Variants in PRR5L observed in about 807,000 individuals in gnomAD.
PRR5L encodes the protein proline rich 5 like.
A neutral mutation model predicts 36.4 loss-of-function variants in PRR5L; 21 were observed. The observed-to-expected ratio is 0.58, with a 90% CI of 0.41 to 0.83. PRR5L has a LOEUF of 0.83. PRR5L is among the 40% of genes least tolerant of loss of function. The pLI is 0.00. For missense variants in PRR5L, 381 were observed against 473.3 expected (o/e 0.80, Z 1.81); for synonymous variants, 188 against 197.0 (o/e 0.95, Z 0.38).
intron 1 of PRR5L, chr11:36,376,850 G>C (rs1857272801): frequency 3.9e-6 from 2 of 507,630 alleles, no homozygotes; most frequent in African/African-American, 2.1e-5. Context: ...TCACGTTTGG[G>C]GGGGCAACCA....
At chr11:36,339,108 CTCTT>C (rs1011183033) in intron 1 of PRR5L, among the ~76,000 whole-genome samples, 1 of 152,186 alleles carries the variant, frequency 6.6e-6, no homozygotes, top group African/African-American at 2.4e-5. Context: ...CCAATTAAAC[CTCTT>C]TCTTTTGTAA....
intron 5 of PRR5L, among the ~76,000 whole-genome samples, chr11:36,434,982 C>A (rs1306626655): frequency 6.6e-6 from 1 of 152,078 alleles, no homozygotes; most frequent in Non-Finnish European, 1.5e-5. Context: ...TAAGTAGGCA[C>A]CAGTGCTGAC....
At position 36,376,790 on chromosome 11, in the gene PRR5L, G is replaced by A. The variant is rs570437575; in HGVS notation, c.-125-24207G>A. On this transcript the variant is annotated intron_variant, in intron 1 of 8. Transcript: ENST00000530639. ...CAGGATTGAGCGAAAATTACCGCGC[G>A]CTAATCTGACGGGGCGCGGCGTGGC... is the stretch of plus-strand genomic sequence containing the variant. 4.6e-5 allele frequency: 42 copies of A among 921,806 alleles called. No homozygotes were observed. In the African/African-American group the frequency reaches 6.9e-4, roughly 15 times the overall value. The allele number at this position is 921,806 out of a possible 1,614,324, so 57.1% of individuals were successfully genotyped here. A position where few individuals can be genotyped will look rare whatever the true frequency, so the allele number is the denominator to read the frequency against.
intron 3 of PRR5L, among the ~76,000 whole-genome samples, chr11:36,415,706 T>G (rs1001859198): frequency 1.3e-5 from 2 of 152,206 alleles, no homozygotes; most frequent in African/African-American, 4.8e-5. Flanking sequence ...ATCACACCAC[T>G]GCACTCCAGC....
intron 4 of PRR5L, among the ~76,000 whole-genome samples, chr11:36,420,819 C>A (rs1246405706): frequency 2.1e-5 from 3 of 143,588 alleles, no homozygotes; most frequent in African/African-American, 7.7e-5. Flanking sequence ...AAAAGAATGA[C>A]ATGTCAGTTG....
intron 5 of PRR5L, among the ~76,000 whole-genome samples, chr11:36,434,418 C>T (rs1858563937): frequency 6.6e-6 from 1 of 152,214 alleles, no homozygotes. Context: ...ACTGAACAAA[C>T]TCCTCTTTGT....
chr11:36,382,453 G>A (rs951013104), intron 1 of PRR5L, among the ~76,000 whole-genome samples: 6 of 152,208 alleles, frequency 3.9e-5, no homozygotes, highest in Admixed American at 6.5e-5. Context: ...CTAGAGCTGT[G>A]CTTCTGAAAG....
At chr11:36,432,265 C>T (rs564269667) in intron 5 of PRR5L, among the ~76,000 whole-genome samples, 21 of 152,146 alleles carry the variant, frequency 1.4e-4, no homozygotes, top group African/African-American at 5.1e-4. Flanking sequence ...ATGCTATTTC[C>T]TCTGGTCTGT....
intron 8 of PRR5L, among the ~76,000 whole-genome samples, 198 bp downstream of exon 8, chr11:36,451,533 C>T (rs1357190660): frequency 2.6e-5 from 4 of 152,218 alleles, no homozygotes; most frequent in Non-Finnish European, 5.9e-5. Flanking sequence ...CAGTAACCTT[C>T]TCCCCCTTGA....
chr11:36,335,662 G>A (rs1056650392), intron 1 of PRR5L, among the ~76,000 whole-genome samples: 6 of 152,112 alleles, frequency 3.9e-5, no homozygotes, highest in Non-Finnish European at 8.8e-5. Context: ...TGAGTACGTG[G>A]TATTTATTTA....
chr11:36,335,876 G>A (rs1025397994), intron 1 of PRR5L, among the ~76,000 whole-genome samples: 10 of 152,092 alleles, frequency 6.6e-5, no homozygotes, highest in African/African-American at 2.4e-4. Context: ...AAGCTTTGCC[G>A]CAGTGAATCC....
chr11:36,419,961 T>C (rs1858228495), intron 4 of PRR5L, among the ~76,000 whole-genome samples: 1 of 152,256 alleles, frequency 6.6e-6, no homozygotes, highest in African/African-American at 2.4e-5. Flanking sequence ...ATCCATTGTC[T>C]GGATCAGTCA....
Position 36,463,985 on chromosome 11 carries a change from A to G in PRR5L, c.*1249A>G, listed in dbSNP as rs1272362501. ...GCTTTACAGTGCTGGGAGAGAGGGG[A>G]GATGTGGGCAGGACCTTTTGGAAGG... On this transcript the variant is annotated 3_prime_UTR_variant, in exon 9 of 9. Transcript: ENST00000530639. 6.6e-6 allele frequency: 1 copy of G among 152,064 alleles called. No homozygotes were observed. Among genetic ancestry groups the G allele is most frequent in the Non-Finnish European group, 1.5e-5 (1 of 68,004 alleles). 9.4% of individuals were successfully genotyped at this position (152,064 alleles called of 1,614,324 possible). A position where few individuals can be genotyped will look rare whatever the true frequency, so the allele number is the denominator to read the frequency against.
chr11:36,343,685 TC>T (rs1279671497), intron 1 of PRR5L, among the ~76,000 whole-genome samples: 2 of 152,176 alleles, frequency 1.3e-5, no homozygotes, highest in African/African-American at 4.8e-5. Context: ...TATAGTGGTT[TC>T]CATCACTTAC....
chr11:36,376,280 G>T, intron 1 of PRR5L: 1 of 1,167,658 alleles, frequency 8.6e-7, no homozygotes, highest in African/African-American at 1.7e-5. Context: ...CTAGGTGCCC[G>T]GGACAGGAAA....
At chr11:36,390,175 C>G (rs148762660) in intron 1 of PRR5L, among the ~76,000 whole-genome samples, 1 of 152,164 alleles carries the variant, frequency 6.6e-6, no homozygotes, top group African/African-American at 2.4e-5. Context: ...GTGGTGGAAC[C>G]TAATCAGGGG....
chr11:36,340,313 G>A (rs1856806166), intron 1 of PRR5L, among the ~76,000 whole-genome samples: 1 of 152,224 alleles, frequency 6.6e-6, no homozygotes, highest in African/African-American at 2.4e-5. Flanking sequence ...CATGGGCTCA[G>A]GCTGCCAAGT....
intron 6 of PRR5L, among the ~76,000 whole-genome samples, chr11:36,442,992 G>GCAA (rs1365996438): frequency 3.9e-5 from 6 of 152,144 alleles, no homozygotes; most frequent in African/African-American, 1.4e-4. Context: ...TATCTTCATA[G>GCAA]CAACATTCTA....
intron 1 of PRR5L, among the ~76,000 whole-genome samples, chr11:36,383,992 C>T (rs1159170384): frequency 1.3e-5 from 2 of 152,100 alleles, no homozygotes; most frequent in Non-Finnish European, 2.9e-5. Context: ...TTACTATTCC[C>T]TTTTATTATT....
Sources: allele counts gnomAD v4.1 joint callset (sites outside exome capture counted in the v4.1 genomes callset), GRCh38; gene constraint gnomAD v4.1.1; transcripts MANE v1.5; gene names NCBI Gene and HGNC (gene_info 2026-07-23, HGNC 2026-07-21).